The following RNF10 variants were observed in gnomAD, a reference collection of about 807,000 sequenced individuals.
RNF10 encodes the protein ring finger protein 10.
A neutral mutation model predicts 91.4 loss-of-function variants in RNF10; 38 were observed. The observed-to-expected ratio is 0.42, with a 90% confidence interval of 0.32 to 0.54. The LOEUF is 0.54. Ranked by LOEUF, RNF10 falls within the 20% of genes least tolerant of loss-of-function variation. RNF10 has a pLI of 0.16. For synonymous variants in RNF10, 364 were observed against 366.3 expected, an observed-to-expected ratio of 0.99 and a Z score of 0.07; for missense variants, 945 against 1,012.0, an observed-to-expected ratio of 0.93 and a Z score of 0.90.
In RNF10 at chr12:120,563,857, C is replaced by G. The variant is rs754968382; in HGVS notation, c.1579C>G (p.Leu527Val). The change falls in exon 10 of 17, where the codon CTC (leucine) becomes GTC (valine). Residue 527 changes from leucine (L) to valine (V), a missense_variant. By Grantham distance (32) the Leu-to-Val change is conservative (BLOSUM62 1). Transcript: ENST00000325954. Reference protein sequence around the residue: ...MFLHPVNVRCLVREYGSLERS... With the variant: ...MFLHPVNVRCVVREYGSLERS... ...CCTGCACCCTGTGAATGTGCGCTGCCTCGTGCGGGAGTACGGCAGCCTGGA... is the reference window on the plus strand; with the variant it reads ...CCTGCACCCTGTGAATGTGCGCTGCGTCGTGCGGGAGTACGGCAGCCTGGA... 1 of 1,614,158 alleles carries G rather than the reference C, an allele frequency of 6.2e-7. No individual in the cohort carries two copies. The highest frequency in any genetic ancestry group is 2.2e-5 in the East Asian group (1 of 44,882).
intron 8 of RNF10, 123 bp from the exon 9 acceptor site, chr12:120,563,224 A>C (rs1270909076): frequency 1.4e-6 from 2 of 1,476,754 alleles, no homozygotes; most frequent in African/African-American, 2.8e-5. Context: ...AGGGGTGTTA[A>C]ATCAGTGAAC....
intron 13 of RNF10, among the ~76,000 whole-genome samples, chr12:120,568,478 TC>T (rs983212370): frequency 3.8e-5 from 5 of 131,756 alleles, no homozygotes; most frequent in African/African-American, 9.9e-5. Flanking sequence ...TTTATTAATT[TC>T]TTTTTTTTTT....
Position 120,541,998 on chromosome 12 carries a change from C to T in RNF10, c.158-4407C>T, listed in dbSNP as rs1871644123. Among the ~76,000 whole-genome samples, 4 of 151,716 alleles carry T rather than the reference C, an allele frequency of 2.6e-5. No individual in the cohort carries two copies. In the South Asian group the frequency reaches 8.3e-4, roughly 32 times the overall value. On this transcript the variant is annotated intron_variant, in intron 1 of 16. Coordinates refer to ENST00000325954, the MANE Select transcript of RNF10 (RefSeq NM_014868.5). Reference sequence around the variant, plus strand: ...TCTCCTGCCTCAGCCTCCTGAGTAGCTGGGACTACAGGCTCCCGCCACCAC... The same window carrying T: ...TCTCCTGCCTCAGCCTCCTGAGTAGTTGGGACTACAGGCTCCCGCCACCAC...
intron 4 of RNF10, among the ~76,000 whole-genome samples, chr12:120,555,914 G>C (rs1177885161): frequency 6.6e-6 from 1 of 151,794 alleles, no homozygotes; most frequent in Non-Finnish European, 1.5e-5. Flanking sequence ...TCAGCCTCCT[G>C]AGTAGCTGGG....
chr12:120,568,871 C>G (rs1472766722), intron 13 of RNF10, among the ~76,000 whole-genome samples: 1 of 152,160 alleles, frequency 6.6e-6, no homozygotes, highest in African/African-American at 2.4e-5. Flanking sequence ...ATCCTCCTGC[C>G]TGAGCCTCCC....
intron 7 of RNF10, among the ~76,000 whole-genome samples, chr12:120,561,792 G>A (rs1313718353): frequency 6.6e-6 from 1 of 152,054 alleles, no homozygotes; most frequent in Non-Finnish European, 1.5e-5. Flanking sequence ...TCTATAATAC[G>A]TTGCAGCCGT....
Position 120,571,256 on chromosome 12 carries a change from C to T in RNF10, c.2107C>T (p.Leu703=). The T allele has an allele frequency of 1.2e-6, 2 of 1,614,052 alleles. No homozygotes were observed. The highest frequency in any genetic ancestry group is 1.7e-6 in the Non-Finnish European group (2 of 1,179,958). The change falls in exon 14 of 17, where the codon CTG becomes TTG. Residue 703 remains leucine (L), a synonymous_variant. Transcript: ENST00000325954. ...CAGTCCCTCATTCTGCGTTGGGAGT[C>T]TGGAAGAAGACTCTCCCTTCCCTTC... The part of the protein sequence containing the change: ...QGSPSFCVGS[L]EEDSPFPSFA...
chr12:120,569,576 A>G (rs1413553471), intron 13 of RNF10, among the ~76,000 whole-genome samples: 1 of 125,648 alleles, frequency 8.0e-6, no homozygotes, highest in African/African-American at 2.9e-5. Flanking sequence ...CTGTCGCCCA[A>G]ACTGGAGTGC....
rs776273908 is a variant in RNF10, at chr12:120,563,795, G to A, written c.1532-15G>A. The A allele has an allele frequency of 6.2e-7, 1 of 1,613,720 alleles. No individual in the cohort carries two copies. Among genetic ancestry groups the A allele is most frequent in the Non-Finnish European group, 8.5e-7 (1 of 1,179,792 alleles). ...CTGGCCAAGACTGGTGTGTGATAGA[G>A]CCCCTTGTCCTCAGCGGAAGATGGA... On this transcript the variant is annotated splice_polypyrimidine_tract_variant and intron_variant, in intron 9 of 16. Coordinates refer to ENST00000325954, the MANE Select transcript of RNF10 (RefSeq NM_014868.5).
chr12:120,540,015 AG>A (rs1198559365), intron 1 of RNF10, among the ~76,000 whole-genome samples: 13 of 150,632 alleles, frequency 8.6e-5, no homozygotes, highest in Admixed American at 3.3e-4. Context: ...TTGTATTTTT[AG>A]TAGAGATGGG....
intron 6 of RNF10, among the ~76,000 whole-genome samples, chr12:120,559,231 G>GAGT (rs1294855285): frequency 7.1e-6 from 1 of 140,314 alleles, no homozygotes; most frequent in Non-Finnish European, 1.5e-5. Context: ...TCCCAGGCTG[G>GAGT]AGTGCAATGG....
At position 120,575,474 on chromosome 12, in the gene RNF10, C is replaced by T. The variant is rs933114321; in HGVS notation, c.2143-157C>T. On this transcript the variant is annotated intron_variant, in intron 14 of 16. Coordinates refer to ENST00000325954, the MANE Select transcript of RNF10 (RefSeq NM_014868.5). The stretch of plus-strand genomic sequence containing the variant: ...TTTCCATTAGCCAGGATATAGAGGA[C>T]ATGACTAGAACAGTGTGTTAAGGAG... 10 of 741,204 alleles carry T rather than the reference C, an allele frequency of 1.3e-5. No homozygotes were observed. The East Asian group carries it at 2.5e-4, about 19-fold the overall frequency. 45.9% of individuals were successfully genotyped at this position (741,204 alleles called of 1,614,324 possible).
intron 14 of RNF10, among the ~76,000 whole-genome samples, chr12:120,573,778 T>C (rs927721109): frequency 6.6e-6 from 1 of 152,106 alleles, no homozygotes; most frequent in African/African-American, 2.4e-5. Flanking sequence ...CGTGTTCCTG[T>C]GCCCAGTTTC....
At chr12:120,569,151 T>A (rs571400626) in intron 13 of RNF10, among the ~76,000 whole-genome samples, 21 of 152,240 alleles carry the variant, frequency 1.4e-4, no homozygotes, top group South Asian at 4.2e-4. Flanking sequence ...GTATTTTTAG[T>A]AGAGACAGGG....
intron 13 of RNF10, 71 bp downstream of exon 13, chr12:120,567,051 C>A: frequency 6.8e-7 from 1 of 1,462,260 alleles, no homozygotes; most frequent in Non-Finnish European, 9.3e-7. Context: ...TCTGAGTTTA[C>A]AACCCCGGCC....
chr12:120,565,185 C>T lies in RNF10; in HGVS notation c.1779C>T (p.Phe593=). 1 of 1,595,648 alleles carries T rather than the reference C, an allele frequency of 6.3e-7. No homozygotes were observed. Among genetic ancestry groups the T allele is most frequent in the Non-Finnish European group, 8.6e-7 (1 of 1,163,200 alleles). The change falls in exon 11 of 17, where the codon TTC becomes TTT. Residue 593 remains phenylalanine (F), a synonymous_variant. Coordinates refer to ENST00000325954, the MANE Select transcript of RNF10 (RefSeq NM_014868.5). ...TCTCTAAGGAAACCCTAGAGATGTT[C>T]TCAGGTGAGAATGCCCCTGCTCTGC... The part of the protein sequence containing the change: ...PVVSKETLEM[F]SDDIEKRKRQ...
intron 1 of RNF10, among the ~76,000 whole-genome samples, 200 bp from the exon 2 acceptor site, chr12:120,546,205 G>A (rs143912154): frequency 4.3e-4 from 65 of 152,152 alleles, no homozygotes; most frequent in African/African-American, 1.5e-3. Context: ...GAGGGGACCC[G>A]TTAGGCTTCA....
chr12:120,567,915 A>G (rs1047665815), intron 13 of RNF10, among the ~76,000 whole-genome samples: 3 of 151,734 alleles, frequency 2.0e-5, no homozygotes, highest in African/African-American at 7.3e-5. Flanking sequence ...GTATAGAAAA[A>G]CTTCTGTTAG....
At chr12:120,571,427 GA>G in intron 14 of RNF10, 136 bp downstream of exon 14, 1 of 681,226 alleles carries the variant, frequency 1.5e-6, no homozygotes, top group South Asian at 1.8e-5. Context: ...TGATGGGTAG[GA>G]GGGAAGTTAA....
Sources: allele counts gnomAD v4.1 joint callset (sites outside exome capture counted in the v4.1 genomes callset), GRCh38; gene constraint gnomAD v4.1.1; transcripts MANE v1.5; gene names NCBI Gene and HGNC (gene_info 2026-07-23, HGNC 2026-07-21).